KCNQ1: variants seen among roughly 807,000 people sequenced by gnomAD.
KCNQ1 encodes potassium voltage-gated channel subfamily Q member 1, also known as potassium voltage-gated channel subfamily KQT member 1.
Under a neutral mutation model 72.4 loss-of-function variants are expected in KCNQ1, and 49 were observed. The observed-to-expected ratio is 0.68, with a 90% CI of 0.54 to 0.86. KCNQ1 has a LOEUF of 0.86. KCNQ1 is among the 40% of genes least tolerant of loss of function. The pLI, the probability that KCNQ1 is intolerant of heterozygous loss-of-function variation, is 0.00. For synonymous variants in KCNQ1, 450 were observed against 412.6 expected (o/e 1.09, Z -1.10); for missense variants, 790 against 945.1 (o/e 0.84, Z 2.15).
intron 2 of KCNQ1, among the ~76,000 whole-genome samples, chr11:2,532,260 G>T (rs949484497): frequency 3.9e-5 from 6 of 152,322 alleles, no homozygotes; most frequent in South Asian, 4.1e-4. Flanking sequence ...CACAAGCTCT[G>T]CATGGCGCTT....
chr11:2,809,768 G>A lies in KCNQ1; in HGVS notation c.1794+31731G>A, dbSNP rs572309097. Among the ~76,000 whole-genome samples the A allele has an allele frequency of 3.3e-5, 5 of 152,214 alleles. No homozygotes were observed. The South Asian group carries it at 1.0e-3, about 32-fold the overall frequency. ...TTCTCTCAAATCCCCTTTGGTTCTA[G>A]CCATGTTTCCCTGAGCTCTTCCCTC... On this transcript the variant is annotated intron_variant, in intron 15 of 15. Transcript: ENST00000155840. This position sits in a 1 kb window ranked among gnomAD's most constrained non-coding sequence, Gnocchi z 7.1.
rs536820683 is a variant in KCNQ1 at position 2,631,920 on chromosome 11, C to T, written c.1394-30041C>T. On this transcript the variant is annotated intron_variant, in intron 10 of 15. Transcript: ENST00000155840. ...ACTGAAAGCTGGGCGCAGTGGCTCA[C>T]GCCTGTAATCCCAGCACTTTGGGAG... 134 of 397,428 alleles carry T rather than the reference C, an allele frequency of 3.4e-4. 1 individual carries two copies. Among genetic ancestry groups the T allele is most frequent in the Middle Eastern group, 1.9e-3 (3 of 1,590 alleles). 24.6% of individuals were successfully genotyped at this position (397,428 alleles called of 1,614,324 possible). A position where few individuals can be genotyped will look rare whatever the true frequency, so the allele number is the denominator to read the frequency against.
chr11:2,674,832 TAAAAAAAAAAAAAAAAAA>T lies in KCNQ1; in HGVS notation c.1514+12762_1514+12779del. On this transcript the variant is annotated intron_variant, in intron 11 of 15. Transcript: ENST00000155840. This position sits in a 1 kb window ranked among gnomAD's most constrained non-coding sequence, Gnocchi z 5.9. ...GCTTGTCACCCTAATAGCTGTTTTT[TAAAAAAAAAAAAAAAAAA>T]AAAAAAAAAAGCTCACTGGGCACCT... 1 of 303,392 alleles carries T rather than the reference TAAAAAAAAAAAAAAAAAA, an allele frequency of 3.3e-6. No individual in the cohort carries two copies. Among genetic ancestry groups the T allele is most frequent in the Non-Finnish European group, 5.3e-6 (1 of 188,378 alleles). The allele number at this position is 303,392 out of a possible 1,614,324, so 18.8% of individuals were successfully genotyped here. A position where few individuals can be genotyped will look rare whatever the true frequency, so the allele number is the denominator to read the frequency against.
intron 8 of KCNQ1, among the ~76,000 whole-genome samples, chr11:2,586,262 C>T (rs772930000): frequency 9.2e-5 from 14 of 152,214 alleles, no homozygotes; most frequent in South Asian, 2.1e-4. Flanking sequence ...CTCGTGAGCT[C>T]GCTGCCCCAG....
At position 2,673,398 on chromosome 11, in the gene KCNQ1, C is replaced by G. The variant is rs1850222869; in HGVS notation, c.1514+11317C>G. ...GAGCTCCCCTTGGCCTTTGTTTAGC[C>G]CACCTTCTGCCTAGGCACCAGGCCT... On this transcript the variant is annotated intron_variant, in intron 11 of 15. Coordinates refer to ENST00000155840, the MANE Select transcript of KCNQ1 (RefSeq NM_000218.3). This position sits in a 1 kb window ranked among gnomAD's most constrained non-coding sequence, Gnocchi z 4.5. 7.5e-6 allele frequency: 3 copies of G among 398,680 alleles called. No homozygotes were observed. The East Asian group carries it at 1.1e-4, about 14-fold the overall frequency. The allele number at this position is 398,680 out of a possible 1,614,324, so 24.7% of individuals were successfully genotyped here.
In KCNQ1 at chr11:2,743,968, G is replaced by C. The variant is rs562791054; in HGVS notation, c.1515-24876G>C. Among the ~76,000 whole-genome samples the C allele has an allele frequency of 4.6e-5, 7 of 152,314 alleles. No individual in the cohort carries two copies. In the South Asian group the frequency reaches 1.5e-3, roughly 32 times the overall value. On this transcript the variant is annotated intron_variant, in intron 11 of 15. Coordinates refer to ENST00000155840, the MANE Select transcript of KCNQ1 (RefSeq NM_000218.3). Reference sequence around the variant, plus strand: ...CTGGCCTGCAGACCTGCTCCTGCCCGTTCTGGCCTGATCCGGGGCCTCTTG... The same window carrying C: ...CTGGCCTGCAGACCTGCTCCTGCCCCTTCTGGCCTGATCCGGGGCCTCTTG...
At position 2,817,662 on chromosome 11, in the gene KCNQ1, G is replaced by A. The variant is rs1038639358; in HGVS notation, c.1795-30105G>A. Among the ~76,000 whole-genome samples, 12 of 152,100 alleles carry A rather than the reference G, an allele frequency of 7.9e-5. No homozygotes were observed. Among genetic ancestry groups the A allele is most frequent in the Non-Finnish European group, 1.5e-4 (10 of 68,012 alleles). On this transcript the variant is annotated intron_variant, in intron 15 of 15. Coordinates refer to ENST00000155840, the MANE Select transcript of KCNQ1 (RefSeq NM_000218.3). The surrounding 1 kb of genome is among the most constrained non-coding windows in gnomAD (Gnocchi z 6.1). The stretch of plus-strand genomic sequence containing the variant: ...TCACAGAGGTGGTGAGAGCTACCCC[G>A]GGTCTGGGGACTGTTAGCACAGACC...
intron 1 of KCNQ1, among the ~76,000 whole-genome samples, chr11:2,512,189 G>A (rs1281499109): frequency 6.6e-6 from 1 of 152,170 alleles, no homozygotes; most frequent in Non-Finnish European, 1.5e-5. Context: ...CTGAGCACTT[G>A]GCCTGCCCAG....
At chr11:2,792,083 G>C (rs1293660210) in intron 15 of KCNQ1, among the ~76,000 whole-genome samples, 8 of 152,254 alleles carry the variant, frequency 5.3e-5, no homozygotes, top group Admixed American at 2.6e-4. Flanking sequence ...GCTGCTTCCC[G>C]CCCTGGTCCG....
intron 15 of KCNQ1, among the ~76,000 whole-genome samples, chr11:2,797,957 G>C (rs1847172268): frequency 6.6e-6 from 1 of 152,174 alleles, no homozygotes. Context: ...GGCCAACCCA[G>C]GGCACCGCGG....
chr11:2,753,755 C>T (rs926170979), intron 11 of KCNQ1, among the ~76,000 whole-genome samples: 8 of 152,198 alleles, frequency 5.3e-5, no homozygotes, highest in African/African-American at 1.9e-4. Flanking sequence ...GGACCTTACT[C>T]TAGTTCTTCT....
chr11:2,477,988 T>G lies in KCNQ1; in HGVS notation c.386+32504T>G, dbSNP rs900161320. Among the ~76,000 whole-genome samples the G allele has an allele frequency of 1.1e-4, 17 of 152,116 alleles. No individual in the cohort carries two copies. The highest frequency in any genetic ancestry group is 4.1e-4 in the African/African-American group (17 of 41,402). ...GTGTCTCCCACCACCACTTACTAGT[T>G]ACAAAGGAAAAAGAATCACTTTCTA... On this transcript the variant is annotated intron_variant, in intron 1 of 15. Transcript: ENST00000155840. The surrounding 1 kb of genome is among the most constrained non-coding windows in gnomAD (Gnocchi z 5.0).
Position 2,471,091 on chromosome 11 carries a change from A to G in KCNQ1, c.386+25607A>G, listed in dbSNP as rs1189587686. Among the ~76,000 whole-genome samples, 1 of 151,618 alleles carries G rather than the reference A, an allele frequency of 6.6e-6. No individual in the cohort carries two copies. The highest frequency in any genetic ancestry group is 1.5e-5 in the Non-Finnish European group (1 of 67,884). On this transcript the variant is annotated intron_variant, in intron 1 of 15. Transcript: ENST00000155840. This position sits in a 1 kb window ranked among gnomAD's most constrained non-coding sequence, Gnocchi z 4.8. ...GGGATGGCCCTCCTCCCTCCACAGC[A>G]GAGTTCTACCCGCCCTCACCACCCT... is the stretch of plus-strand genomic sequence containing the variant.
chr11:2,591,563 C>T (rs1191275929), intron 10 of KCNQ1, among the ~76,000 whole-genome samples: 3 of 152,218 alleles, frequency 2.0e-5, no homozygotes, highest in Non-Finnish European at 2.9e-5. Flanking sequence ...GGCAGGTGGG[C>T]GTGGCCGGGG....
intron 6 of KCNQ1, among the ~76,000 whole-genome samples, chr11:2,581,719 G>A (rs1000078434): frequency 2.6e-5 from 4 of 152,322 alleles, no homozygotes; most frequent in African/African-American, 4.8e-5. Context: ...GTGTGTTTCC[G>A]TGTGTGTGTG....
chr11:2,778,982 C>T (rs781091035), intron 15 of KCNQ1, among the ~76,000 whole-genome samples: 1 of 152,220 alleles, frequency 6.6e-6, no homozygotes, highest in Non-Finnish European at 1.5e-5. Context: ...TGCCCATGGC[C>T]TGGGGCGGCC....
rs923494598 is a variant in KCNQ1, at chr11:2,736,857, G to A, written c.1515-31987G>A. On this transcript the variant is annotated intron_variant, in intron 11 of 15. Transcript: ENST00000155840. The stretch of plus-strand genomic sequence containing the variant: ...AACTCGGTCAAGATAAGATGCCCAC[G>A]GCTCAGGGACCCCACAGTCACAGGT... Among the ~76,000 whole-genome samples the A allele has an allele frequency of 3.3e-5, 5 of 152,192 alleles. No homozygotes were observed. In the East Asian group the frequency reaches 5.8e-4, roughly 18 times the overall value.
At chr11:2,696,389 TCA>T in intron 11 of KCNQ1, 1 of 398,696 alleles carries the variant, frequency 2.5e-6, no homozygotes, top group Non-Finnish European at 4.4e-6. Context: ...GCCACCTTTA[TCA>T]CATGTCCCCT....
Position 2,478,570 on chromosome 11 carries a change from G to A in KCNQ1, c.386+33086G>A, listed in dbSNP as rs1846607499. Among the ~76,000 whole-genome samples, 1 of 152,092 alleles carries A rather than the reference G, an allele frequency of 6.6e-6. No individual in the cohort carries two copies. Among genetic ancestry groups the A allele is most frequent in the Non-Finnish European group, 1.5e-5 (1 of 68,024 alleles). On this transcript the variant is annotated intron_variant, in intron 1 of 15. Coordinates refer to ENST00000155840, the MANE Select transcript of KCNQ1 (RefSeq NM_000218.3). The surrounding 1 kb of genome is among the most constrained non-coding windows in gnomAD (Gnocchi z 4.0). The stretch of plus-strand genomic sequence containing the variant: ...TCGTGAGACTTATTCATTACCATGA[G>A]AACAGCATGGAGGAAACCACCCCCA...
Sources: allele counts gnomAD v4.1 joint callset (sites outside exome capture counted in the v4.1 genomes callset), GRCh38; gene constraint gnomAD v4.1.1; non-coding constraint Gnocchi (gnomAD v3.1); transcripts MANE v1.5; gene names NCBI Gene and HGNC (gene_info 2026-07-23, HGNC 2026-07-21).